RUSF1: variants seen among roughly 807,000 people sequenced by gnomAD.
RUSF1 encodes RUS1 family protein C16orf58.
A neutral mutation model predicts 63.0 loss-of-function variants in RUSF1; 58 were observed. The observed-to-expected ratio is 0.92, with a 90% CI of 0.75 to 1.15. The LOEUF (loss-of-function observed/expected upper bound fraction) is 1.15. Among genes scored for constraint, RUSF1 ranks in the 50% most tolerant of loss-of-function variants. RUSF1 has a pLI of 0.00. For synonymous variants in RUSF1, 274 were observed against 255.8 expected (o/e 1.07, Z -0.68); for missense variants, 652 against 611.0 (o/e 1.07, Z -0.71).
At chr16:31,500,503 T>C (rs2082627321) in intron 3 of RUSF1, among the ~76,000 whole-genome samples, 183 bp downstream of exon 3, 1 of 152,228 alleles carries the variant, frequency 6.6e-6, no homozygotes, top group Non-Finnish European at 1.5e-5. Flanking sequence ...GGGGCACAGT[T>C]ACAGCTGTTA....
At chr16:31,507,199 T>C (rs2082663952) in intron 2 of RUSF1, among the ~76,000 whole-genome samples, 1 of 152,102 alleles carries the variant, frequency 6.6e-6, no homozygotes, top group African/African-American at 2.4e-5. Context: ...CAATTTCCCT[T>C]TTCTGTTCTA....
At chr16:31,502,105 G>T (rs1229173226) in intron 2 of RUSF1, among the ~76,000 whole-genome samples, 2 of 152,162 alleles carry the variant, frequency 1.3e-5, no homozygotes, top group Non-Finnish European at 2.9e-5. Flanking sequence ...GAGACACCTG[G>T]GAGGGACTCA....
chr16:31,502,731 TCTTCC>T (rs1201176170), intron 2 of RUSF1, among the ~76,000 whole-genome samples: 2 of 152,212 alleles, frequency 1.3e-5, no homozygotes, highest in African/African-American at 4.8e-5. Context: ...CACTTTAACC[TCTTCC>T]CTTCAAGTAC....
At chr16:31,497,015 C>A (rs759593087) in intron 5 of RUSF1, 65 bp from the exon 6 acceptor site, 1 of 1,353,558 alleles carries the variant, frequency 7.4e-7, no homozygotes, top group Non-Finnish European at 1.0e-6. Flanking sequence ...GGCACTCAGA[C>A]CAGCTGGAGA....
At chr16:31,500,796 C>A in intron 2 of RUSF1, 65 bp from the exon 3 acceptor site, 1 of 1,540,992 alleles carries the variant, frequency 6.5e-7, no homozygotes, top group African/African-American at 1.4e-5. Flanking sequence ...GCCTGGCAGA[C>A]CCTGGCACTG....
intron 12 of RUSF1, among the ~76,000 whole-genome samples, chr16:31,491,477 G>A (rs979387376): frequency 6.6e-6 from 1 of 151,816 alleles, no homozygotes; most frequent in African/African-American, 2.4e-5. Flanking sequence ...ACCATGCACA[G>A]CTAATTTTTT....
intron 2 of RUSF1, among the ~76,000 whole-genome samples, chr16:31,502,176 G>A (rs985861050): frequency 1.3e-5 from 2 of 152,194 alleles, no homozygotes; most frequent in Admixed American, 1.3e-4. Context: ...GTCTGAGCTT[G>A]AGGGCACTGA....
Position 31,490,002 on chromosome 16 carries a change from A to G in RUSF1, c.*833T>C. The G allele has an allele frequency of 6.7e-7, 1 of 1,489,850 alleles. No individual in the cohort carries two copies. The highest frequency in any genetic ancestry group is 9.2e-7 in the Non-Finnish European group (1 of 1,082,764). The allele number at this position is 1,489,850 out of a possible 1,614,324, so 92.3% of individuals were successfully genotyped here. On this transcript the variant is annotated 3_prime_UTR_variant, in exon 13 of 13. Transcript: ENST00000327237. ...TGGGCTGGGTGTGTAGACTGGACAG[A>G]GGTGGGTAGGGCAGGCAGTGACGAG... is the stretch of plus-strand genomic sequence containing the variant.
chr16:31,507,048 T>G (rs1425088754), intron 2 of RUSF1, among the ~76,000 whole-genome samples: 1 of 152,200 alleles, frequency 6.6e-6, no homozygotes, highest in Non-Finnish European at 1.5e-5. Flanking sequence ...TTGCGGGTTT[T>G]CCATTACCTT....
chr16:31,492,380 C>T, intron 10 of RUSF1, 40 bp from the exon 11 acceptor site: 1 of 1,510,166 alleles, frequency 6.6e-7, no homozygotes, highest in Non-Finnish European at 8.8e-7. Context: ...AGGGAAGGGC[C>T]ACCTCCCAAA....
At chr16:31,507,704 G>T in intron 2 of RUSF1, 60 bp downstream of exon 2, 1 of 1,448,388 alleles carries the variant, frequency 6.9e-7, no homozygotes, top group Non-Finnish European at 9.5e-7. Flanking sequence ...ATACACATAA[G>T]AGCCCAGCGA....
rs1299610824 is a variant in RUSF1, at chr16:31,492,228, C to T, written c.1200G>A (p.Glu400=). The change falls in exon 11 of 13, where the codon GAG becomes GAA. Residue 400 remains glutamate (E), a synonymous_variant. Coordinates refer to ENST00000327237, the MANE Select transcript of RUSF1 (RefSeq NM_022744.4). The part of the protein sequence containing the change: ...ALQGDGPLPA[E]LEELRNRVRA... ...GCACCCGGTTCCTCAGCTCCTCCAGCTCTGCTGGAAGGGGTCCATCTCCCT... is the reference window on the plus strand; with the variant it reads ...GCACCCGGTTCCTCAGCTCCTCCAGTTCTGCTGGAAGGGGTCCATCTCCCT... 6.2e-7 allele frequency: 1 copy of T among 1,612,432 alleles called. No homozygotes were observed.
chr16:31,490,959 G>T, intron 12 of RUSF1, 27 bp from the exon 13 acceptor site: 1 of 1,607,404 alleles, frequency 6.2e-7, no homozygotes, highest in Non-Finnish European at 8.5e-7. Flanking sequence ...GGGTGCTGCC[G>T]GGAATGCTGG....
chr16:31,490,527 T>C lies in RUSF1; in HGVS notation c.*308A>G. The C allele has an allele frequency of 6.2e-7, 1 of 1,611,128 alleles. No homozygotes were observed. The highest frequency in any genetic ancestry group is 8.5e-7 in the Non-Finnish European group (1 of 1,178,520). On this transcript the variant is annotated 3_prime_UTR_variant, in exon 13 of 13. Transcript: ENST00000327237. The stretch of plus-strand genomic sequence containing the variant: ...AGTGGCCGTGTTCCTCTGGGGCTTC[T>C]ATGCCTAAGACCAACTGCGTTGGAC...
chr16:31,493,273 G>A (rs775512009), intron 9 of RUSF1, 194 bp downstream of exon 9: 1 of 887,142 alleles, frequency 1.1e-6, no homozygotes, highest in South Asian at 1.4e-5. Flanking sequence ...CACCCATCAA[G>A]CACATCTCTT....
At chr16:31,501,407 CAA>C (rs2082632297) in intron 2 of RUSF1, among the ~76,000 whole-genome samples, 3 of 151,948 alleles carry the variant, frequency 2.0e-5, no homozygotes, top group Non-Finnish European at 4.4e-5. Context: ...CCAGCCTGGG[CAA>C]CACAGCAAGA....
chr16:31,497,838 C>T (rs535125538), intron 5 of RUSF1, among the ~76,000 whole-genome samples: 4 of 152,366 alleles, frequency 2.6e-5, no homozygotes, highest in Admixed American at 1.3e-4. Context: ...CCTGACCACA[C>T]GGAGCCTGGC....
chr16:31,507,649 A>G (rs2082666953), intron 2 of RUSF1, 115 bp downstream of exon 2: 1 of 944,522 alleles, frequency 1.1e-6, no homozygotes. Context: ...ATCACTGGGG[A>G]GACCTGCCTG....
intron 2 of RUSF1, among the ~76,000 whole-genome samples, chr16:31,502,874 C>T (rs551882957): frequency 6.6e-6 from 1 of 152,386 alleles, no homozygotes; most frequent in East Asian, 1.9e-4. Context: ...AGGTGATCCA[C>T]CCGCCTCGGC....
Sources: gnomAD v4.1 joint callset for allele counts (sites outside exome capture counted in the v4.1 genomes callset) on GRCh38, gnomAD v4.1.1 for gene constraint, MANE v1.5 for transcripts, NCBI Gene and HGNC (gene_info 2026-07-23, HGNC 2026-07-21) for gene names.